TRABD2B: variants seen among roughly 807,000 people sequenced by gnomAD.
The protein encoded by TRABD2B is TraB domain containing 2B.
TRABD2B carries 14 observed loss-of-function variants against 40.1 expected under a neutral mutation model. The ratio of observed to expected loss-of-function variants is 0.35; its 90% CI spans 0.23 to 0.55. TRABD2B has a LOEUF of 0.55. TRABD2B is among the 20% of genes least tolerant of loss of function. The pLI, the probability that TRABD2B is intolerant of heterozygous loss-of-function variation, is 0.90. For synonymous variants in TRABD2B, 263 were observed against 277.0 expected, an observed-to-expected ratio of 0.95 and a Z score of 0.50; for missense variants, 541 against 648.6, an observed-to-expected ratio of 0.83 and a Z score of 1.80.
chr1:47,976,956 G>A (rs1361730590), intron 2 of TRABD2B, among the ~76,000 whole-genome samples: 2 of 152,142 alleles, frequency 1.3e-5, no homozygotes, highest in African/African-American at 2.4e-5. Flanking sequence ...CCAGGGAATT[G>A]AGGTTGATAA....
chr1:47,778,605 G>T (rs1569903733), intron 4 of TRABD2B, 61 bp from the exon 5 acceptor site: 1 of 1,253,008 alleles, frequency 8.0e-7, no homozygotes, highest in Non-Finnish European at 1.1e-6. Context: ...ACAGGGGACT[G>T]CCCCAGGCCA....
rs183296418 is a variant in TRABD2B, at chr1:47,806,143, C to T, written c.667-4524G>A. Among the ~76,000 whole-genome samples the T allele has an allele frequency of 2.6e-4, 40 of 152,358 alleles. No homozygotes were observed. In the East Asian group the frequency reaches 6.4e-3, roughly 24 times the overall value. ...TTCAGCGCGGTATGTGCTCCTTCAC[C>T]AGCATCCTTGGTGCTTCCAACAGAC... On this transcript the variant is annotated intron_variant, in intron 2 of 6. Coordinates refer to ENST00000606738, the MANE Select transcript of TRABD2B (RefSeq NM_001194986.2).
At chr1:47,825,713 G>C (rs915589613) in intron 2 of TRABD2B, among the ~76,000 whole-genome samples, 1 of 144,288 alleles carries the variant, frequency 6.9e-6, no homozygotes, top group Non-Finnish European at 1.5e-5. Context: ...CCAACCCTTA[G>C]TTCAGGAGGT....
intron 2 of TRABD2B, among the ~76,000 whole-genome samples, chr1:47,909,281 CAAGCATTACAAG>C (rs1376204553): frequency 6.6e-6 from 1 of 152,106 alleles, no homozygotes; most frequent in African/African-American, 2.4e-5. Flanking sequence ...CATGGTTCTG[CAAGCATTACAAG>C]AAGCATGGCA....
intron 6 of TRABD2B, among the ~76,000 whole-genome samples, chr1:47,772,495 C>A (rs1291395885): frequency 2.6e-5 from 4 of 151,762 alleles, no homozygotes; most frequent in Non-Finnish European, 4.4e-5. Context: ...CACTGTAGGA[C>A]CCCAGGCTGA....
At chr1:47,810,153 T>TGC (rs3034532) in intron 2 of TRABD2B, among the ~76,000 whole-genome samples, 3 of 151,078 alleles carry the variant, frequency 2.0e-5, no homozygotes, top group Non-Finnish European at 4.4e-5. Flanking sequence ...TGTGTGTGTG[T>TGC]GCGCGCGCGC....
At chr1:47,879,493 C>T (rs1030351854) in intron 2 of TRABD2B, among the ~76,000 whole-genome samples, 1 of 152,180 alleles carries the variant, frequency 6.6e-6, no homozygotes, top group Non-Finnish European at 1.5e-5. Flanking sequence ...AAAGGCTACA[C>T]CACACCTTCT....
At chr1:47,917,276 G>A (rs1172056095) in intron 2 of TRABD2B, among the ~76,000 whole-genome samples, 1 of 152,178 alleles carries the variant, frequency 6.6e-6, no homozygotes, top group Non-Finnish European at 1.5e-5. Context: ...TGAAGTCCAG[G>A]ATGCTCCACT....
chr1:47,897,696 A>AC (rs919872838), intron 2 of TRABD2B, among the ~76,000 whole-genome samples: 19 of 151,994 alleles, frequency 1.3e-4, no homozygotes, highest in Admixed American at 4.6e-4. Context: ...CCTCATTTGC[A>AC]CCACACAGGT....
intron 3 of TRABD2B, among the ~76,000 whole-genome samples, chr1:47,796,990 C>A (rs1485016934): frequency 1.3e-5 from 2 of 152,180 alleles, no homozygotes; most frequent in African/African-American, 2.4e-5. Flanking sequence ...CTATGTTGTA[C>A]CACCAAATAA....
chr1:47,951,688 G>A (rs1645346717), intron 2 of TRABD2B, among the ~76,000 whole-genome samples: 1 of 152,178 alleles, frequency 6.6e-6, no homozygotes, highest in Non-Finnish European at 1.5e-5. Context: ...CAGGGAAGCA[G>A]GCTGAGCAGT....
intron 2 of TRABD2B, among the ~76,000 whole-genome samples, chr1:47,804,750 T>C (rs888714130): frequency 6.6e-6 from 1 of 152,146 alleles, no homozygotes; most frequent in Admixed American, 6.5e-5. Flanking sequence ...AAAATAGACC[T>C]AAAGCTTCCC....
At chr1:47,939,344 G>C (rs1241566427) in intron 2 of TRABD2B, among the ~76,000 whole-genome samples, 2 of 152,170 alleles carry the variant, frequency 1.3e-5, no homozygotes, top group African/African-American at 4.8e-5. Context: ...GATGGATGTT[G>C]TGATTTAAGT....
Position 47,794,667 on chromosome 1 carries a change from T to C in TRABD2B, c.907A>G (p.Arg303Gly). The change falls in exon 4 of 7, where the codon AGG becomes GGG. Residue 303 changes from arginine to glycine, a missense_variant. Physicochemically the swap from Arg to Gly is moderately radical, Grantham distance 125. This residue lies in a region of TRABD2B where 369 missense variants were observed against 492.8 expected (regional missense o/e 0.75). Coordinates refer to ENST00000606738, the MANE Select transcript of TRABD2B (RefSeq NM_001194986.2). ...ACCCTCTTCCCCATGCGCTCATTCC[T>C]CTTGTAGATGAGCTCCTGGCGGAAG... ...SYFRQELIYK[R>G]NERMGKRVMA... 1.3e-6 allele frequency: 2 copies of C among 1,536,704 alleles called. No homozygotes were observed. Among genetic ancestry groups the C allele is most frequent in the Non-Finnish European group, 1.7e-6 (2 of 1,146,950 alleles).
At chr1:47,910,088 G>A (rs1339266392) in intron 2 of TRABD2B, among the ~76,000 whole-genome samples, 1 of 151,848 alleles carries the variant, frequency 6.6e-6, no homozygotes, top group Non-Finnish European at 1.5e-5. Context: ...TTGACCTCCT[G>A]AGCTCAAGCA....
At chr1:47,917,928 T>C (rs1447577277) in intron 2 of TRABD2B, among the ~76,000 whole-genome samples, 1 of 152,230 alleles carries the variant, frequency 6.6e-6, no homozygotes, top group East Asian at 1.9e-4. Flanking sequence ...GAAGTGCTCT[T>C]TCCCATTACA....
chr1:47,918,010 C>G (rs1020719179), intron 2 of TRABD2B, among the ~76,000 whole-genome samples: 1 of 152,220 alleles, frequency 6.6e-6, no homozygotes, highest in Admixed American at 6.5e-5. Context: ...TTTGGAAGAG[C>G]TGAAGGTCAG....
At chr1:47,772,776 T>G (rs1347763071) in intron 6 of TRABD2B, among the ~76,000 whole-genome samples, 1 of 152,046 alleles carries the variant, frequency 6.6e-6, no homozygotes, top group African/African-American at 2.4e-5. Flanking sequence ...CAACGGAGGC[T>G]GTGCCCTGCA....
chr1:47,990,247 A>G (rs1645981233), intron 2 of TRABD2B, among the ~76,000 whole-genome samples: 1 of 152,178 alleles, frequency 6.6e-6, no homozygotes, highest in African/African-American at 2.4e-5. Flanking sequence ...AGAACCATGT[A>G]ACTTTGAGGT....
Sources: allele counts gnomAD v4.1 joint callset (sites outside exome capture counted in the v4.1 genomes callset), GRCh38; gene constraint gnomAD v4.1.1; regional missense constraint gnomAD v4.1.1; transcripts MANE v1.5; gene names NCBI Gene and HGNC (gene_info 2026-07-23, HGNC 2026-07-21).